Variants in PTPRD observed in about 807,000 individuals in gnomAD.
PTPRD encodes receptor-type tyrosine-protein phosphatase delta.
In PTPRD, 34 loss-of-function variants were observed where a neutral mutation model predicts 214.5. That is an observed-to-expected ratio of 0.16 (90% CI 0.12 to 0.21). PTPRD has a LOEUF of 0.21. PTPRD is among the 10% of genes least tolerant of loss of function. PTPRD has a pLI of 1.00. For synonymous variants in PTPRD, 1,128 were observed against 845.7 expected, an observed-to-expected ratio of 1.33 and a Z score of -5.79; for missense variants, 2,545 against 2,398.7, an observed-to-expected ratio of 1.06 and a Z score of -1.27.
At chr9:8,881,080 C>A (rs1447301823) in intron 11 of PTPRD, among the ~76,000 whole-genome samples, 1 of 152,130 alleles carries the variant, frequency 6.6e-6, no homozygotes, top group African/African-American at 2.4e-5. Context: ...AAGGTAATTT[C>A]TGATATGCAG....
intron 6 of PTPRD, among the ~76,000 whole-genome samples, chr9:9,762,248 G>T (rs928996561): frequency 6.6e-6 from 1 of 152,188 alleles, no homozygotes; most frequent in African/African-American, 2.4e-5. Flanking sequence ...AGTCCAAGAA[G>T]TCCAACAGTC....
In PTPRD at chr9:8,324,963, ATTTG is replaced by A. The variant is rs565036464; in HGVS notation, c.5535-5001_5535-4998del. ...TGATGAGGTTGTTGTTTTCCTGTAAATTTGTTTAAGTTCTTTGTAGATTCTGGAT... is the reference window on the plus strand; with the variant it reads ...TGATGAGGTTGTTGTTTTCCTGTAAATTTAAGTTCTTTGTAGATTCTGGAT... On this transcript the variant is annotated intron_variant, in intron 44 of 45. Transcript: ENST00000381196. Among the ~76,000 whole-genome samples, 1,209 of 152,098 alleles carry A rather than the reference ATTTG, an allele frequency of 7.9e-3. 21 individuals are homozygous for A. The highest frequency in any genetic ancestry group is 0.028 in the African/African-American group (1,157 of 41,500).
intron 6 of PTPRD, among the ~76,000 whole-genome samples, chr9:9,755,471 T>C (rs945377152): frequency 2.0e-5 from 3 of 152,220 alleles, no homozygotes; most frequent in African/African-American, 7.2e-5. Context: ...TCTTCCTCAT[T>C]CTTTCTTCCT....
At chr9:8,963,760 A>C (rs1396874750) in intron 11 of PTPRD, among the ~76,000 whole-genome samples, 2 of 150,930 alleles carry the variant, frequency 1.3e-5, no homozygotes, top group Non-Finnish European at 3.0e-5. Context: ...GCTGGGCTAC[A>C]GGCACACATC....
chr9:8,961,006 G>T (rs1485641563), intron 11 of PTPRD, among the ~76,000 whole-genome samples: 1 of 152,036 alleles, frequency 6.6e-6, no homozygotes, highest in African/African-American at 2.4e-5. Context: ...GGCACTCATT[G>T]TCTACTAGGG....
intron 10 of PTPRD, among the ~76,000 whole-genome samples, chr9:9,109,447 C>T (rs2099803054): frequency 6.6e-6 from 1 of 152,102 alleles, no homozygotes; most frequent in African/African-American, 2.4e-5. Context: ...ATCTGTATTG[C>T]TCTAAAATGA....
intron 11 of PTPRD, among the ~76,000 whole-genome samples, chr9:8,794,299 G>A (rs965777978): frequency 6.6e-6 from 1 of 152,142 alleles, no homozygotes; most frequent in Non-Finnish European, 1.5e-5. Flanking sequence ...GAAAGGGGAT[G>A]CAACTGAAGA....
At chr9:9,357,272 T>G (rs1222599996) in intron 9 of PTPRD, among the ~76,000 whole-genome samples, 2 of 151,354 alleles carry the variant, frequency 1.3e-5, no homozygotes, top group Admixed American at 6.6e-5. Flanking sequence ...AGTTAGGACT[T>G]TGGGGATGTC....
intron 7 of PTPRD, among the ~76,000 whole-genome samples, chr9:9,624,273 TTTTTTTTG>T (rs368191092): frequency 1.3e-4 from 9 of 69,594 alleles, no homozygotes; most frequent in African/African-American, 4.2e-4. Context: ...GTAGCTAGTT[TTTTTTTTG>T]TTTGTTTGTT....
At chr9:9,774,885 A>C (rs1389940845) in intron 5 of PTPRD, among the ~76,000 whole-genome samples, 2 of 152,204 alleles carry the variant, frequency 1.3e-5, no homozygotes, top group Non-Finnish European at 2.9e-5. Context: ...TACCTCATAA[A>C]TGCCTGATCT....
chr9:8,337,103 T>C (rs1461650516), intron 43 of PTPRD, among the ~76,000 whole-genome samples: 2 of 152,172 alleles, frequency 1.3e-5, no homozygotes, highest in African/African-American at 4.8e-5. Flanking sequence ...ACTGAGTGTA[T>C]ACCCAAAGGA....
chr9:9,955,828 G>A (rs1434813086), intron 4 of PTPRD, among the ~76,000 whole-genome samples: 2 of 151,830 alleles, frequency 1.3e-5, no homozygotes, highest in African/African-American at 2.4e-5. Context: ...GGCCTATTTG[G>A]GTTCTTAAGA....
chr9:10,422,198 A>G (rs1403544323), intron 2 of PTPRD, among the ~76,000 whole-genome samples: 2 of 152,068 alleles, frequency 1.3e-5, no homozygotes, highest in Non-Finnish European at 2.9e-5. Context: ...TGACAAAAAC[A>G]AGAAATGGGG....
intron 4 of PTPRD, among the ~76,000 whole-genome samples, chr9:9,958,499 C>G (rs758735258): frequency 2.0e-5 from 3 of 152,160 alleles, no homozygotes; most frequent in Admixed American, 2.0e-4. Flanking sequence ...CCATTGCACT[C>G]CAGCCTGGGT....
chr9:8,465,393 C>G lies in PTPRD; in HGVS notation c.3714+73G>C, dbSNP rs2096526860. ...AATGAGGATGGATATACCCACAAAT[C>G]CCCAAATAACCACATTCCAGTGAAA... is the stretch of plus-strand genomic sequence containing the variant. On this transcript the variant is annotated intron_variant, in intron 32 of 45. Transcript: ENST00000381196. 7 of 1,386,506 alleles carry G rather than the reference C, an allele frequency of 5.0e-6. No individual in the cohort carries two copies. In the South Asian group the frequency reaches 8.8e-5, roughly 17 times the overall value. 85.9% of individuals were successfully genotyped at this position (1,386,506 alleles called of 1,614,324 possible).
intron 11 of PTPRD, among the ~76,000 whole-genome samples, chr9:8,875,120 G>A (rs185038111): frequency 6.6e-6 from 1 of 152,136 alleles, no homozygotes; most frequent in Non-Finnish European, 1.5e-5. Flanking sequence ...AAGTTTTGGG[G>A]ATGATTAAAT....
chr9:10,075,384 A>G (rs1475447469), intron 3 of PTPRD, among the ~76,000 whole-genome samples: 1 of 152,050 alleles, frequency 6.6e-6, no homozygotes, highest in Non-Finnish European at 1.5e-5. Context: ...CCAACTATGA[A>G]AGTAATTTAC....
chr9:9,004,641 T>A (rs934275978), intron 11 of PTPRD, among the ~76,000 whole-genome samples: 1 of 152,058 alleles, frequency 6.6e-6, no homozygotes, highest in African/African-American at 2.4e-5. Flanking sequence ...TTAATTTATG[T>A]TTGGATGATA....
intron 2 of PTPRD, among the ~76,000 whole-genome samples, chr9:10,604,575 C>A (rs984378040): frequency 6.6e-6 from 1 of 151,802 alleles, no homozygotes; most frequent in Non-Finnish European, 1.5e-5. Flanking sequence ...TTGTTGCTTG[C>A]AACCACACAG....
Sources: allele counts gnomAD v4.1 joint callset (sites outside exome capture counted in the v4.1 genomes callset), GRCh38; gene constraint gnomAD v4.1.1; transcripts MANE v1.5; gene names NCBI Gene and HGNC (gene_info 2026-07-23, HGNC 2026-07-21).